Variants in AKT1 observed in about 807,000 individuals in gnomAD.
AKT1 encodes the protein AKT serine/threonine kinase 1, also known as RAC-alpha serine/threonine-protein kinase.
In AKT1, 21 loss-of-function variants were observed where a neutral mutation model predicts 63.1. The ratio of observed to expected loss-of-function variants is 0.33; its 90% confidence interval spans 0.24 to 0.48. The LOEUF (loss-of-function observed/expected upper bound fraction) is 0.48, where lower values mean the gene tolerates loss of function less well. Among genes scored for constraint, AKT1 ranks in the 20% least tolerant of loss-of-function variants. The pLI, the probability that AKT1 is intolerant of heterozygous loss-of-function variation, is 0.99. For missense variants in AKT1, 382 were observed against 666.0 expected (o/e 0.57, Z 4.69); for synonymous variants, 257 against 253.1 (o/e 1.02, Z -0.15).
rs1216778719 is a variant in AKT1 at position 104,775,084 on chromosome 14, C to T, written c.559G>A (p.Val187Met). ...CACCGCCCCGGCCCCACCTTGGCCA[C>T]GATGACTTCCTTCTTGAGGATCTTC... ...AMKILKKEVI[V>M]AKDEVAHTLT... Residue 187 changes from valine to methionine, a missense_variant, in exon 7 of 15, where the codon GTG becomes ATG. Physicochemically the swap from Val to Met is conservative, Grantham distance 21. Transcript: ENST00000649815. 6.2e-7 allele frequency: 1 copy of T among 1,613,944 alleles called. No homozygotes were observed. The highest frequency in any genetic ancestry group is 1.7e-5 in the Admixed American group (1 of 60,016).
At chr14:104,784,966 T>A (rs1893256779) in intron 3 of AKT1, among the ~76,000 whole-genome samples, 2 of 152,182 alleles carry the variant, frequency 1.3e-5, no homozygotes, top group African/African-American at 2.4e-5. Flanking sequence ...AACTGCTGGA[T>A]AAACACTTCG....
intron 2 of AKT1, 107 bp downstream of exon 2, chr14:104,793,020 C>T: frequency 2.6e-6 from 1 of 383,286 alleles, no homozygotes; most frequent in Non-Finnish European, 4.9e-6. Context: ...CCACCCGCAA[C>T]AGCCAGGCCC....
At chr14:104,775,397 T>TG in intron 6 of AKT1, 190 bp from the exon 7 acceptor site, 2 of 1,182,426 alleles carry the variant, frequency 1.7e-6, no homozygotes, top group Non-Finnish European at 2.3e-6. Flanking sequence ...CGGCCCCAGC[T>TG]CAGAGCATGG....
chr14:104,780,581 G>A (rs1351891053), intron 3 of AKT1, among the ~76,000 whole-genome samples: 1 of 152,246 alleles, frequency 6.6e-6, no homozygotes, highest in African/African-American at 2.4e-5. Context: ...GTCCCCAGCA[G>A]GCACCAGCAG....
In AKT1 at chr14:104,769,394, A is replaced by G; in HGVS notation, c.*947T>C. 1 of 273,320 alleles carries G rather than the reference A, an allele frequency of 3.7e-6. No homozygotes were observed. The highest frequency in any genetic ancestry group is 7.1e-6 in the Non-Finnish European group (1 of 139,958). The allele number at this position is 273,320 out of a possible 1,614,324, so 16.9% of individuals were successfully genotyped here. A position where few individuals can be genotyped will look rare whatever the true frequency, so the allele number is the denominator to read the frequency against. Reference sequence around the variant, plus strand: ...GAAGAATTTGGAGGGAAGGTTCCATATTATATTATAATAGTAAAAATACTA... The same window carrying G: ...GAAGAATTTGGAGGGAAGGTTCCATGTTATATTATAATAGTAAAAATACTA... On this transcript the variant is annotated 3_prime_UTR_variant, in exon 15 of 15. Transcript: ENST00000649815.
intron 3 of AKT1, among the ~76,000 whole-genome samples, chr14:104,787,579 C>T (rs979529206): frequency 1.3e-5 from 2 of 152,234 alleles, no homozygotes; most frequent in African/African-American, 4.8e-5. Flanking sequence ...CTCCGCTCAG[C>T]CTCGTGCAGG....
chr14:104,794,020 A>G (rs1893761116), intron 1 of AKT1: 1 of 152,312 alleles, frequency 6.6e-6, no homozygotes, highest in Non-Finnish European at 1.5e-5. Flanking sequence ...GACACCCACA[A>G]AGGGTTGCTT....
At position 104,770,561 on chromosome 14, in the gene AKT1, G is replaced by A. The variant is rs1345170762; in HGVS notation, c.1364-141C>T. The stretch of plus-strand genomic sequence containing the variant: ...CAGGAAACTGAGACAGGGCCCCACA[G>A]ATTGACACAGGGACCTGGGCCCTCA... On this transcript the variant is annotated intron_variant, in intron 14 of 14. Transcript: ENST00000649815. 3.1e-6 allele frequency: 3 copies of A among 980,334 alleles called. No homozygotes were observed. In the African/African-American group the frequency reaches 4.9e-5, roughly 16 times the overall value. 60.7% of individuals were successfully genotyped at this position (980,334 alleles called of 1,614,324 possible). A position where few individuals can be genotyped will look rare whatever the true frequency, so the allele number is the denominator to read the frequency against.
At chr14:104,773,851 C>A (rs61761196) in intron 9 of AKT1, 61 bp downstream of exon 9, 1 of 1,499,570 alleles carries the variant, frequency 6.7e-7, no homozygotes, top group African/African-American at 1.4e-5. Context: ...CGGGAAGGAC[C>A]GGCCCCACCA....
At chr14:104,770,892 C>A (rs2140891683) in intron 13 of AKT1, 45 bp from the exon 14 acceptor site, 1 of 1,557,584 alleles carries the variant, frequency 6.4e-7, no homozygotes. Context: ...TCGCTCCCCA[C>A]TCCCAGCACA....
chr14:104,782,091 C>T (rs1048687074), intron 3 of AKT1, among the ~76,000 whole-genome samples: 2 of 152,080 alleles, frequency 1.3e-5, no homozygotes, highest in Non-Finnish European at 2.9e-5. Flanking sequence ...GTCCCCTCCC[C>T]CAGCCACAGG....
At position 104,777,730 on chromosome 14, in the gene AKT1, G is replaced by C. The variant is rs375775887; in HGVS notation, c.176-960C>G. 186 of 985,674 alleles carry C rather than the reference G, an allele frequency of 1.9e-4. 1 individual carries two copies. In the African/African-American group the frequency reaches 3.1e-3, roughly 16 times the overall value. The allele number at this position is 985,674 out of a possible 1,614,324, so 61.1% of individuals were successfully genotyped here. On this transcript the variant is annotated intron_variant, in intron 4 of 14. Coordinates refer to ENST00000649815, the MANE Select transcript of AKT1 (RefSeq NM_001382430.1). ...GAGGAGGCTGAGGGGCCAGTGGGGGGCCTCTGACATTCCAGCATCGAGGCC... is the reference window on the plus strand; with the variant it reads ...GAGGAGGCTGAGGGGCCAGTGGGGGCCCTCTGACATTCCAGCATCGAGGCC...
chr14:104,769,595 G>A lies in AKT1; in HGVS notation c.*746C>T, dbSNP rs1486601827. 1.9e-6 allele frequency: 1 copy of A among 531,594 alleles called. No homozygotes were observed. The highest frequency in any genetic ancestry group is 2.3e-5 in the Admixed American group (1 of 44,196). 32.9% of individuals were successfully genotyped at this position (531,594 alleles called of 1,614,324 possible). A position where few individuals can be genotyped will look rare whatever the true frequency, so the allele number is the denominator to read the frequency against. ...TGCTACCGTGGAGAGATCATCTGAG[G>A]GGGAGGCTCCCGGTGGGACAGTCAC... On this transcript the variant is annotated 3_prime_UTR_variant, in exon 15 of 15. Transcript: ENST00000649815.
At position 104,772,946 on chromosome 14, in the gene AKT1, G is replaced by A. The variant is rs1595241867; in HGVS notation, c.1104C>T (p.Phe368=). 6.2e-7 allele frequency: 1 copy of A among 1,613,950 alleles called. No homozygotes were observed. Among genetic ancestry groups the A allele is most frequent in the African/African-American group, 1.3e-5 (1 of 74,910 alleles). The change falls in exon 12 of 15, where the codon TTC becomes TTT. Residue 368 remains phenylalanine, a synonymous_variant. Transcript: ENST00000649815. ...FELILMEEIR[F]PRTLGPEAKS... is the part of the protein sequence containing the mutation. ...TGGCCTCGGGACCAAGCGTGCGCGG[G>A]AAGCGGATCTCCTCCATGAGGATGA...
chr14:104,785,956 T>G (rs1037502329), intron 3 of AKT1, among the ~76,000 whole-genome samples: 3 of 152,016 alleles, frequency 2.0e-5, no homozygotes, highest in African/African-American at 7.3e-5. Flanking sequence ...GTGCTGCCCC[T>G]GACAGACCAC....
At chr14:104,788,779 C>T (rs892923055) in intron 3 of AKT1, among the ~76,000 whole-genome samples, 1 of 152,196 alleles carries the variant, frequency 6.6e-6, no homozygotes, top group African/African-American at 2.4e-5. Flanking sequence ...TCCATACTCC[C>T]CACCGGGACG....
chr14:104,772,732 T>A, intron 12 of AKT1, 146 bp downstream of exon 12: 1 of 993,338 alleles, frequency 1.0e-6, no homozygotes, highest in South Asian at 1.7e-5. Context: ...GGCCTGAGGC[T>A]TTGGAGATCA....
At position 104,770,288 on chromosome 14, in the gene AKT1, G is replaced by A. The variant is rs1045350619; in HGVS notation, c.*53C>T. ...AACCATTAAATACAGATCATGGCAC[G>A]AGGCCGCCTCTCCATCCCTCCAAGC... On this transcript the variant is annotated 3_prime_UTR_variant, in exon 15 of 15. Transcript: ENST00000649815. 1.5e-5 allele frequency: 23 copies of A among 1,548,522 alleles called. 1 individual carries two copies. In the South Asian group the frequency reaches 1.9e-4, roughly 12 times the overall value.
At chr14:104,776,262 T>C in intron 5 of AKT1, 1 of 202,566 alleles carries the variant, frequency 4.9e-6, no homozygotes, top group Non-Finnish European at 1.0e-5. Flanking sequence ...TTCTTGTGCC[T>C]CAGCCTCCCA....
Sources: allele counts gnomAD v4.1 joint callset (sites outside exome capture counted in the v4.1 genomes callset), GRCh38; gene constraint gnomAD v4.1.1; transcripts MANE v1.5; gene names NCBI Gene and HGNC (gene_info 2026-07-23, HGNC 2026-07-21).